Variants in ZC3H11A observed in about 807,000 individuals in gnomAD.
ZC3H11A encodes the protein zinc finger CCCH domain-containing protein 11A.
In ZC3H11A, 22 loss-of-function variants were observed where a neutral mutation model predicts 90.8. That is an observed-to-expected ratio of 0.24 (90% CI 0.17 to 0.35). The LOEUF is 0.35. Ranked by LOEUF, ZC3H11A falls within the 10% of genes least tolerant of loss-of-function variation. The probability of loss-of-function intolerance (pLI) is 1.00; values close to 1 mark genes in which losing one functional copy is unlikely to be tolerated. For missense variants in ZC3H11A, 701 were observed against 964.9 expected (o/e 0.73, Z 3.62); for synonymous variants, 294 against 339.8 (o/e 0.87, Z 1.48).
chr1:203,800,400 C>G, intron 1 of ZC3H11A: 1 of 1,173,226 alleles, frequency 8.5e-7, no homozygotes, highest in African/African-American at 1.5e-5. Flanking sequence ...TACGTTGGTT[C>G]TGAGCTGGGA....
At chr1:203,819,561 T>A (rs1677755366) in intron 4 of ZC3H11A, among the ~76,000 whole-genome samples, 2 of 126,672 alleles carry the variant, frequency 1.6e-5, no homozygotes, top group Non-Finnish European at 1.7e-5. Flanking sequence ...TGAGACAGAG[T>A]TTTGCTCTTG....
intron 4 of ZC3H11A, among the ~76,000 whole-genome samples, chr1:203,819,138 A>T (rs1243167817): frequency 6.8e-6 from 1 of 146,542 alleles, no homozygotes; most frequent in Non-Finnish European, 1.5e-5. Flanking sequence ...ATACATATGT[A>T]TATGTGTGTA....
intron 4 of ZC3H11A, among the ~76,000 whole-genome samples, chr1:203,824,478 G>A (rs1679832473): frequency 6.6e-6 from 1 of 152,000 alleles, no homozygotes; most frequent in Admixed American, 6.6e-5. Flanking sequence ...TTGCGAATTT[G>A]CCTACTTGCT....
rs1688859442 is a variant in ZC3H11A at position 203,849,935 on chromosome 1, A to G, written c.1848A>G (p.Ser616=). The G allele has an allele frequency of 1.2e-6, 2 of 1,614,172 alleles. No individual in the cohort carries two copies. Among genetic ancestry groups the G allele is most frequent in the Non-Finnish European group, 1.7e-6 (2 of 1,180,030 alleles). The change falls in exon 15 of 18, where the codon TCA becomes TCG. Residue 616 remains serine, a synonymous_variant. Coordinates refer to ENST00000367210, the MANE Select transcript of ZC3H11A (RefSeq NM_001376342.1). ...TGACCAAGCGGCTTCCCACAAAGTC[A>G]TCCCAGAAGGTGGAGGTAGAAACCT... ...RHLTKRLPTK[S]SQKVEVETSG... is the part of the protein sequence containing the mutation.
At chr1:203,837,449 T>C (rs1389514192) in intron 10 of ZC3H11A, among the ~76,000 whole-genome samples, 1 of 148,884 alleles carries the variant, frequency 6.7e-6, no homozygotes, top group Non-Finnish European at 1.5e-5. Flanking sequence ...CTTTCCCTTG[T>C]CTCTCTTTTT....
chr1:203,819,706 G>A (rs1203776924), intron 4 of ZC3H11A, among the ~76,000 whole-genome samples: 1 of 150,152 alleles, frequency 6.7e-6, no homozygotes, highest in Non-Finnish European at 1.5e-5. Flanking sequence ...GGCTAATTCT[G>A]TATTTTTAGT....
At chr1:203,845,228 G>A (rs1298686189) in intron 12 of ZC3H11A, among the ~76,000 whole-genome samples, 2 of 152,142 alleles carry the variant, frequency 1.3e-5, no homozygotes, top group Admixed American at 6.5e-5. Flanking sequence ...CATTGCTGGT[G>A]TGGATTTATT....
chr1:203,841,290 G>C (rs1686104897), intron 12 of ZC3H11A, among the ~76,000 whole-genome samples: 1 of 152,108 alleles, frequency 6.6e-6, no homozygotes, highest in African/African-American at 2.4e-5. Context: ...TTCCTAGACA[G>C]AGGACCCTGC....
At chr1:203,850,840 A>G (rs746066031) in intron 16 of ZC3H11A, among the ~76,000 whole-genome samples, 159 bp downstream of exon 16, 5 of 152,166 alleles carry the variant, frequency 3.3e-5, no homozygotes, top group Non-Finnish European at 7.4e-5. Context: ...TTACAGTTTG[A>G]TATTTGTGAA....
In ZC3H11A at chr1:203,852,125, C is replaced by CTTTTTTT; in HGVS notation, c.2175-14_2175-8dup. Reference sequence around the variant, plus strand: ...TTTAAAACGGCAGTTTTCTAATAATCTTTTTTTTCTTACAGTCTTGTGCTG... The same window carrying CTTTTTTT: ...TTTAAAACGGCAGTTTTCTAATAATCTTTTTTTTTTTTTTTCTTACAGTCTTGTGCTG... On this transcript the variant is annotated splice_polypyrimidine_tract_variant and intron_variant, in intron 17 of 17. Coordinates refer to ENST00000367210, the MANE Select transcript of ZC3H11A (RefSeq NM_001376342.1). 6.2e-7 allele frequency: 1 copy of CTTTTTTT among 1,612,580 alleles called. No individual in the cohort carries two copies. Among genetic ancestry groups the CTTTTTTT allele is most frequent in the Admixed American group, 1.7e-5 (1 of 59,736 alleles).
intron 2 of ZC3H11A, among the ~76,000 whole-genome samples, chr1:203,803,621 T>G (rs1306892682): frequency 6.6e-6 from 1 of 152,224 alleles, no homozygotes; most frequent in Non-Finnish European, 1.5e-5. Context: ...TGTTTCGTTT[T>G]GAAACAGGGT....
At chr1:203,843,927 G>A (rs1035047804) in intron 12 of ZC3H11A, among the ~76,000 whole-genome samples, 3 of 151,352 alleles carry the variant, frequency 2.0e-5, no homozygotes, top group Admixed American at 6.6e-5. Context: ...GTGCGATCTC[G>A]GCTCACTGCA....
At chr1:203,829,197 A>G (rs536909897) in intron 5 of ZC3H11A, 5 of 536,680 alleles carry the variant, frequency 9.3e-6, no homozygotes, top group East Asian at 6.5e-5. Context: ...AACAGGTACT[A>G]TGCTTCTTCT....
At chr1:203,852,032 T>TAAA in intron 17 of ZC3H11A, 109 bp from the exon 18 acceptor site, 1 of 1,083,536 alleles carries the variant, frequency 9.2e-7, no homozygotes, top group Admixed American at 2.6e-5. Flanking sequence ...TATTTCTTTA[T>TAAA]GTATGTTCTT....
intron 12 of ZC3H11A, among the ~76,000 whole-genome samples, chr1:203,841,909 C>A (rs1223824684): frequency 1.3e-5 from 2 of 150,788 alleles, no homozygotes; most frequent in Non-Finnish European, 2.9e-5. Context: ...AGACGCTCCT[C>A]ACCTCCCAGA....
At chr1:203,801,225 C>T (rs1323591921) in intron 1 of ZC3H11A, 4 of 151,940 alleles carry the variant, frequency 2.6e-5, no homozygotes, top group Non-Finnish European at 5.9e-5. Context: ...TAATGAGAGC[C>T]CTTTGAACAT....
intron 13 of ZC3H11A, among the ~76,000 whole-genome samples, chr1:203,848,087 C>G (rs1688361950): frequency 6.6e-6 from 1 of 152,140 alleles, no homozygotes; most frequent in African/African-American, 2.4e-5. Context: ...AACTCCTCAC[C>G]TCAAGTGTGA....
chr1:203,800,250 A>G (rs903611357), intron 1 of ZC3H11A: 12 of 1,166,068 alleles, frequency 1.0e-5, no homozygotes, highest in Middle Eastern at 1.9e-4. Flanking sequence ...AAGTTGCCCC[A>G]TGTGTAGTTG....
At chr1:203,811,791 C>T (rs1674575215) in intron 2 of ZC3H11A, among the ~76,000 whole-genome samples, 1 of 149,658 alleles carries the variant, frequency 6.7e-6, no homozygotes, top group Non-Finnish European at 1.5e-5. Context: ...GCATATATGT[C>T]TGAAAAGTAT....
Sources: gnomAD v4.1 joint callset for allele counts (sites outside exome capture counted in the v4.1 genomes callset) on GRCh38, gnomAD v4.1.1 for gene constraint, MANE v1.5 for transcripts, NCBI Gene and HGNC (gene_info 2026-07-23, HGNC 2026-07-21) for gene names.